RHBDD1: variants seen among roughly 807,000 people sequenced by gnomAD.
RHBDD1 encodes the protein rhomboid domain containing 1.
Under a neutral mutation model 36.3 loss-of-function variants are expected in RHBDD1, and 38 were observed. The observed-to-expected ratio is 1.05, with a 90% CI of 0.81 to 1.37. RHBDD1 has a LOEUF of 1.37. RHBDD1 is among the 40% of genes most tolerant of loss of function. RHBDD1 has a pLI of 0.00. For synonymous variants in RHBDD1, 151 were observed against 136.5 expected, an observed-to-expected ratio of 1.11 and a Z score of -0.74; for missense variants, 393 against 377.6, an observed-to-expected ratio of 1.04 and a Z score of -0.34.
intron 7 of RHBDD1, among the ~76,000 whole-genome samples, chr2:226,913,587 G>T (rs1270946589): frequency 6.6e-6 from 1 of 152,056 alleles, no homozygotes. Context: ...TAATGACTAG[G>T]TTATCTCTTC....
At chr2:226,912,348 T>A (rs1948579375) in intron 7 of RHBDD1, among the ~76,000 whole-genome samples, 1 of 152,266 alleles carries the variant, frequency 6.6e-6, no homozygotes, top group South Asian at 2.1e-4. Context: ...AGTTCCACTT[T>A]TAGGTATATA....
rs1184249621 is a variant in RHBDD1, at chr2:226,998,218, T to C, written c.*2696T>C. The C allele has an allele frequency of 1.3e-5, 2 of 151,928 alleles. No homozygotes were observed. The highest frequency in any genetic ancestry group is 2.4e-5 in the African/African-American group (1 of 41,194). The allele number at this position is 151,928 out of a possible 1,614,324, so 9.4% of individuals were successfully genotyped here. A position where few individuals can be genotyped will look rare whatever the true frequency, so the allele number is the denominator to read the frequency against. ...TTAATGACTCTGAATGTATTGCCTG[T>C]GATTCCAAAGTTGTACATAATTGTT... On this transcript the variant is annotated 3_prime_UTR_variant, in exon 9 of 9. Coordinates refer to ENST00000392062, the MANE Select transcript of RHBDD1 (RefSeq NM_001167608.3).
intron 6 of RHBDD1, chr2:226,908,236 G>A (rs1948211556): frequency 6.6e-6 from 1 of 152,180 alleles, no homozygotes; most frequent in Admixed American, 6.5e-5. Context: ...GAAGGACACA[G>A]GAACCCCATG....
chr2:226,840,120 A>G (rs1246513238), intron 3 of RHBDD1, among the ~76,000 whole-genome samples: 1 of 152,208 alleles, frequency 6.6e-6, no homozygotes, highest in Non-Finnish European at 1.5e-5. Context: ...TCTTTTTCAC[A>G]CATTGAAGAG....
the RHBDD1 span, among the ~76,000 whole-genome samples, chr2:226,815,634 G>A: frequency 2.0e-5 from 3 of 152,210 alleles, no homozygotes; most frequent in Non-Finnish European, 4.4e-5. Flanking sequence ...GGAGGCAAAA[G>A]TAAAGATTAG....
rs11449035 is a variant in RHBDD1 at position 226,942,241 on chromosome 2, CTT to C, written c.856+27904_856+27905del. Among the ~76,000 whole-genome samples the C allele has an allele frequency of 1.3e-4, 18 of 142,248 alleles. No homozygotes were observed. The South Asian group carries it at 2.2e-3, about 18-fold the overall frequency. The allele number at this position is 142,248 out of a possible 152,430, so 93.3% of individuals were successfully genotyped here. A position where few individuals can be genotyped will look rare whatever the true frequency, so the allele number is the denominator to read the frequency against. On this transcript the variant is annotated intron_variant, in intron 8 of 8. Transcript: ENST00000392062. The stretch of plus-strand genomic sequence containing the variant: ...GAGTTAGATTGGCTGTCGTGATCAT[CTT>C]TTTTTTTTTTTTTGAGACAGAGTCT...
chr2:226,854,276 A>G (rs1409229951), intron 3 of RHBDD1, among the ~76,000 whole-genome samples: 1 of 152,002 alleles, frequency 6.6e-6, no homozygotes, highest in Non-Finnish European at 1.5e-5. Context: ...AAATGAGGAG[A>G]CTGAGGTAGA....
At chr2:226,980,056 G>A (rs997773464) in intron 8 of RHBDD1, among the ~76,000 whole-genome samples, 3 of 152,156 alleles carry the variant, frequency 2.0e-5, no homozygotes, top group Non-Finnish European at 4.4e-5. Flanking sequence ...GATAGTGGGG[G>A]CATTTCTGAG....
At chr2:226,906,995 T>C in intron 6 of RHBDD1, 114 bp downstream of exon 6, 2 of 1,059,570 alleles carry the variant, frequency 1.9e-6, no homozygotes, top group Non-Finnish European at 2.9e-6. Flanking sequence ...TTCCCTAATA[T>C]GCCTGTTTTT....
chr2:226,903,120 TG>T (rs1947732571), intron 5 of RHBDD1, among the ~76,000 whole-genome samples: 1 of 152,202 alleles, frequency 6.6e-6, no homozygotes, highest in Non-Finnish European at 1.5e-5. Context: ...TCTCTCAAAC[TG>T]CCACTTTCTT....
At chr2:226,959,843 T>C (rs149911127) in intron 8 of RHBDD1, among the ~76,000 whole-genome samples, 2 of 152,250 alleles carry the variant, frequency 1.3e-5, no homozygotes, top group East Asian at 3.9e-4. Flanking sequence ...TTTGTTTTGA[T>C]ATGGAGTCTC....
intron 5 of RHBDD1, among the ~76,000 whole-genome samples, chr2:226,894,387 A>G (rs1946926595): frequency 6.6e-6 from 1 of 152,136 alleles, no homozygotes; most frequent in Non-Finnish European, 1.5e-5. Context: ...CTCCTGCCTC[A>G]GCTTCCCAAG....
chr2:226,957,280 A>G (rs1951847328), intron 8 of RHBDD1, among the ~76,000 whole-genome samples: 1 of 152,240 alleles, frequency 6.6e-6, no homozygotes, highest in Non-Finnish European at 1.5e-5. Flanking sequence ...GTAAGAGCTA[A>G]CACTCGAAAA....
intron 8 of RHBDD1, among the ~76,000 whole-genome samples, chr2:226,935,645 T>A (rs1175443606): frequency 1.3e-5 from 2 of 152,058 alleles, no homozygotes; most frequent in African/African-American, 4.8e-5. Context: ...TTTTTTTTTT[T>A]TATAATGAAG....
At chr2:226,941,073 A>G (rs569945355) in intron 8 of RHBDD1, among the ~76,000 whole-genome samples, 1 of 152,066 alleles carries the variant, frequency 6.6e-6, no homozygotes, top group South Asian at 2.1e-4. Flanking sequence ...CAGCCCGCCT[A>G]GTAGCTGGGA....
chr2:226,826,939 G>A, the RHBDD1 span, among the ~76,000 whole-genome samples: 10 of 152,084 alleles, frequency 6.6e-5, no homozygotes, highest in African/African-American at 2.4e-4. Flanking sequence ...TCTAAGACAT[G>A]TTAATAGATT....
rs59981029 is a variant in RHBDD1 at position 226,849,500 on chromosome 2, G to A, written c.-91+9873G>A. Among the ~76,000 whole-genome samples the A allele has an allele frequency of 7.9e-3, 1,210 of 152,340 alleles. 15 individuals carry two copies. The highest frequency in any genetic ancestry group is 0.043 in the South Asian group (208 of 4,826). On this transcript the variant is annotated intron_variant, in intron 3 of 8. Transcript: ENST00000392062. ...AGGTGTGTGTCTCAGGCTAAGGTGT[G>A]ATGGTAGCATTGCCCTCAGGCTCCA...
the RHBDD1 span, among the ~76,000 whole-genome samples, chr2:226,816,506 G>T: frequency 6.6e-6 from 1 of 151,998 alleles, no homozygotes; most frequent in African/African-American, 2.4e-5. Context: ...TTAAGAAACA[G>T]CCTACTTATG....
At chr2:226,832,508 A>ATATACTTT (rs1266810562), upstream of RHBDD1, among the ~76,000 whole-genome samples, 17 of 152,162 alleles carry the variant, frequency 1.1e-4, no homozygotes, top group African/African-American at 3.9e-4. Flanking sequence ...CAAGCCTTCT[A>ATATACTTT]TATACTTAGT....
Sources: gnomAD v4.1 joint callset for allele counts (sites outside exome capture counted in the v4.1 genomes callset) on GRCh38, gnomAD v4.1.1 for gene constraint, MANE v1.5 for transcripts, NCBI Gene and HGNC (gene_info 2026-07-23, HGNC 2026-07-21) for gene names.